The following DNAH3 variants were observed in gnomAD, a reference collection of about 807,000 sequenced individuals.
DNAH3 encodes axonemal beta dynein heavy chain 3.
DNAH3 carries 332 observed loss-of-function variants against 432.5 expected under a neutral mutation model. The observed-to-expected ratio is 0.77, with a 90% CI of 0.70 to 0.84. The LOEUF is 0.84. Ranked by LOEUF, DNAH3 falls within the 40% of genes least tolerant of loss-of-function variation. The probability of loss-of-function intolerance (pLI) is 0.00; values close to 1 mark genes in which losing one functional copy is unlikely to be tolerated. For synonymous variants in DNAH3, 1,956 were observed against 1,900.2 expected, an observed-to-expected ratio of 1.03 and a Z score of -0.76; for missense variants, 4,861 against 5,114.0, an observed-to-expected ratio of 0.95 and a Z score of 1.51.
chr16:21,054,487 C>G, exon 28 of DNAH3: 1 of 1,614,208 alleles, frequency 6.2e-7, no homozygotes, highest in Non-Finnish European at 8.5e-7. Flanking sequence ...TCCCTCGCAC[C>G]AGCTGGACAA....
At chr16:21,067,547 T>A in intron 23 of DNAH3, 128 bp from the exon 24 acceptor site, 1 of 923,904 alleles carries the variant, frequency 1.1e-6, no homozygotes, top group Non-Finnish European at 1.7e-6. Flanking sequence ...CTGATCCCCC[T>A]CCTAACTGCA....
intron 33 of DNAH3, 81 bp downstream of exon 33, chr16:21,039,771 G>C (rs374492786): frequency 9.5e-7 from 1 of 1,057,586 alleles, no homozygotes; most frequent in Non-Finnish European, 1.5e-6. Context: ...TCTTCCAATG[G>C]GCAAACCACC....
intron 2 of DNAH3, 114 bp from the exon 4 acceptor site, chr16:21,145,520 C>T (rs1484977882): frequency 1.2e-6 from 1 of 826,686 alleles, no homozygotes; most frequent in Non-Finnish European, 2.0e-6. Flanking sequence ...TATGTTTCTG[C>T]CTTCTGCACA....
exon 8 of DNAH3, chr16:21,127,764 T>C (rs147939520): frequency 1.5e-4 from 247 of 1,613,986 alleles, no homozygotes; most frequent in Non-Finnish European, 2.0e-4. Context: ...GCAGAGGCAA[T>C]TTTCCCGCTA....
intron 54 of DNAH3, among the ~76,000 whole-genome samples, chr16:20,957,458 A>C (rs2152604171): frequency 6.6e-6 from 1 of 152,276 alleles, no homozygotes; most frequent in East Asian, 1.9e-4. Context: ...ATACAAAAAA[A>C]ACTGGCAGCA....
chr16:20,944,741 A>G lies in DNAH3; in HGVS notation c.11344-78T>C, dbSNP rs2285517. On this transcript the variant is annotated intron_variant, in intron 57 of 61. Transcript: ENST00000261383. ...ATGACTCCAGGCTTAGCAGAACCCA[A>G]TCAGAACAGGAATCATACTGTATCA... 2.2e-4 allele frequency: 304 copies of G among 1,383,264 alleles called. No homozygotes were observed. In the East Asian group the frequency reaches 6.6e-3, roughly 30 times the overall value. The allele number at this position is 1,383,264 out of a possible 1,614,324, so 85.7% of individuals were successfully genotyped here.
rs1197612357 is a variant in DNAH3, at chr16:21,070,601, T to C, written c.3201+109A>G. The C allele has an allele frequency of 8.4e-6, 6 of 718,016 alleles. No individual in the cohort carries two copies. In the East Asian group the frequency reaches 1.5e-4, roughly 18 times the overall value. 44.5% of individuals were successfully genotyped at this position (718,016 alleles called of 1,614,324 possible). A position where few individuals can be genotyped will look rare whatever the true frequency, so the allele number is the denominator to read the frequency against. ...TCATTTATTTATTTATTTTTCCAAT[T>C]AGGACAAAGTGACTTTCTTTGTTAA... On this transcript the variant is annotated intron_variant, in intron 22 of 61. Coordinates refer to ENST00000261383, the Ensembl canonical transcript of DNAH3.
intron 51 of DNAH3, among the ~76,000 whole-genome samples, chr16:20,973,420 T>G (rs1364080941): frequency 2.6e-5 from 4 of 152,038 alleles, no homozygotes; most frequent in Non-Finnish European, 5.9e-5. Context: ...ACCCAGCTAA[T>G]TTTTGTATTT....
At position 20,984,310 on chromosome 16, in the gene DNAH3, A is replaced by G. The variant is rs369093346; in HGVS notation, c.7665+767T>C. On this transcript the variant is annotated intron_variant, in intron 48 of 61. Coordinates refer to ENST00000261383, the Ensembl canonical transcript of DNAH3. ...TGGAACAGACAAGAATGGAGCTAGAATGATTAGAAAGTTGCAGAGGTGAGC... is the reference window on the plus strand; with the variant it reads ...TGGAACAGACAAGAATGGAGCTAGAGTGATTAGAAAGTTGCAGAGGTGAGC... Among the ~76,000 whole-genome samples, 304 of 152,272 alleles carry G rather than the reference A, an allele frequency of 2.0e-3. 7 individuals carry two copies. The South Asian group carries it at 0.06, about 30-fold the overall frequency.
intron 21 of DNAH3, among the ~76,000 whole-genome samples, chr16:21,071,767 C>A (rs141840558): frequency 6.3e-4 from 96 of 152,134 alleles, no homozygotes; most frequent in Non-Finnish European, 1.0e-3. Context: ...ACCTCCTTTG[C>A]AGAAGTCAAA....
chr16:20,937,613 C>T (rs1045518656), intron 59 of DNAH3, among the ~76,000 whole-genome samples: 1 of 149,816 alleles, frequency 6.7e-6, no homozygotes, highest in African/African-American at 2.5e-5. Flanking sequence ...ACTGCAGCCT[C>T]GATCTCCCAG....
chr16:21,122,041 T>G, exon 10 of DNAH3: 2 of 1,613,708 alleles, frequency 1.2e-6, no homozygotes, highest in Non-Finnish European at 1.7e-6. Flanking sequence ...CAATAATGGG[T>G]TCACTGACTT....
At chr16:21,036,649 C>T in intron 35 of DNAH3, 65 bp downstream of exon 35, 1 of 1,464,870 alleles carries the variant, frequency 6.8e-7, no homozygotes, top group Non-Finnish European at 9.4e-7. Flanking sequence ...TCCTATAAGA[C>T]TTTACTGTTT....
At chr16:21,069,101 G>T (rs1176968073) in intron 23 of DNAH3, among the ~76,000 whole-genome samples, 1 of 151,266 alleles carries the variant, frequency 6.6e-6, no homozygotes, top group East Asian at 2.0e-4. Context: ...ATATTTGTGT[G>T]TGTGTGTGTG....
chr16:20,982,854 G>A (rs757068755), exon 49 of DNAH3: 85 of 1,613,984 alleles, frequency 5.3e-5, no homozygotes, highest in African/African-American at 8.0e-5. Context: ...ATCCGCAGGC[G>A]GTTCCTGAAG....
chr16:20,942,254 C>G (rs189687911), intron 58 of DNAH3, among the ~76,000 whole-genome samples: 52 of 152,208 alleles, frequency 3.4e-4, no homozygotes, highest in Middle Eastern at 6.8e-3. Context: ...GCCATGGGGC[C>G]CTTTCTCAGT....
chr16:21,023,255 C>G (rs2088348204), intron 39 of DNAH3, among the ~76,000 whole-genome samples: 1 of 152,112 alleles, frequency 6.6e-6, no homozygotes, highest in Admixed American at 6.5e-5. Flanking sequence ...TGAGCATCTA[C>G]TAATTGCACG....
intron 57 of DNAH3, among the ~76,000 whole-genome samples, chr16:20,945,291 A>G (rs1473602188): frequency 5.3e-5 from 8 of 152,204 alleles, no homozygotes. Flanking sequence ...TACAGATGTC[A>G]TGACAATGTC....
At chr16:20,979,437 A>T in exon 50 of DNAH3, 1 of 1,614,118 alleles carries the variant, frequency 6.2e-7, no homozygotes, top group Non-Finnish European at 8.5e-7. Flanking sequence ...GTTAGAATCA[A>T]TTCAAGGTAG....
Sources: allele counts gnomAD v4.1 joint callset (sites outside exome capture counted in the v4.1 genomes callset), GRCh38; gene constraint gnomAD v4.1.1; transcripts MANE v1.5; gene names NCBI Gene and HGNC (gene_info 2026-07-23, HGNC 2026-07-21).